ARFGEF3: variants seen among roughly 807,000 people sequenced by gnomAD.
ARFGEF3 encodes ARFGEF family member 3, also known as brefeldin A-inhibited guanine nucleotide-exchange protein 3.
Under a neutral mutation model 221.7 loss-of-function variants are expected in ARFGEF3, and 96 were observed. The observed-to-expected ratio is 0.43, with a 90% CI of 0.37 to 0.51. ARFGEF3 has a LOEUF of 0.51. Among genes scored for constraint, ARFGEF3 ranks in the 20% least tolerant of loss-of-function variants. ARFGEF3 has a pLI of 0.00. For missense variants in ARFGEF3, 2,410 were observed against 2,789.9 expected, an observed-to-expected ratio of 0.86 and a Z score of 3.07; for synonymous variants, 1,145 against 1,126.8, an observed-to-expected ratio of 1.02 and a Z score of -0.32.
intron 1 of ARFGEF3, among the ~76,000 whole-genome samples, chr6:138,169,113 A>G (rs527392548): frequency 1.4e-4 from 21 of 152,310 alleles, no homozygotes; most frequent in African/African-American, 5.1e-4. Flanking sequence ...CTTACAGAGG[A>G]TAAGTGACCT....
chr6:138,321,184 G>A lies in ARFGEF3; in HGVS notation c.4725G>A (p.Lys1575=), dbSNP rs1780021045. 1 of 1,562,222 alleles carries A rather than the reference G, an allele frequency of 6.4e-7. No individual in the cohort carries two copies. Among genetic ancestry groups the A allele is most frequent in the Non-Finnish European group, 8.7e-7 (1 of 1,151,910 alleles). Residue 1575 remains lysine, a synonymous_variant, in exon 29 of 34, where the codon AAG becomes AAA. Coordinates refer to ENST00000251691, the MANE Select transcript of ARFGEF3 (RefSeq NM_020340.5). ...AGTTGCTGGTCGCCTGTGTGGCCAA[G>A]CCCACTGAAACCATCTCCAGAGTGG... ...LFELLVACVA[K]PTETISRVGC... is the part of the protein sequence containing the mutation.
intron 4 of ARFGEF3, chr6:138,218,393 C>T (rs377341385): frequency 6.5e-7 from 1 of 1,535,122 alleles, no homozygotes; most frequent in African/African-American, 1.4e-5. Context: ...AGAAGGCCCT[C>T]ATATTTACTA....
At chr6:138,260,602 C>T (rs1583036584) in intron 10 of ARFGEF3, among the ~76,000 whole-genome samples, 1 of 151,882 alleles carries the variant, frequency 6.6e-6, no homozygotes, top group Non-Finnish European at 1.5e-5. Flanking sequence ...TCCTAATTCT[C>T]CAGCTTAGTT....
intron 32 of ARFGEF3, among the ~76,000 whole-genome samples, chr6:138,330,555 A>G (rs60153545): frequency 0.041 from 6,252 of 152,234 alleles, 159 homozygotes; most frequent in African/African-American, 0.06. Flanking sequence ...CTGTAATCCC[A>G]GCTACTCAGG....
chr6:138,293,611 A>C (rs1038109488), intron 19 of ARFGEF3, among the ~76,000 whole-genome samples: 1 of 152,148 alleles, frequency 6.6e-6, no homozygotes, highest in Non-Finnish European at 1.5e-5. Context: ...CTTATTCATT[A>C]ATTTACTGGG....
Position 138,293,975 on chromosome 6 carries a change from C to G in ARFGEF3, c.3369-18C>G. On this transcript the variant is annotated intron_variant, in intron 19 of 33. Coordinates refer to ENST00000251691, the MANE Select transcript of ARFGEF3 (RefSeq NM_020340.5). The stretch of plus-strand genomic sequence containing the variant: ...TGAATTGTTTCCAAAGAACACATCT[C>G]TTTCTGTTTGCATCCAGGCTCTTTG... The G allele has an allele frequency of 6.2e-7, 1 of 1,610,400 alleles. No individual in the cohort carries two copies. The highest frequency in any genetic ancestry group is 8.5e-7 in the Non-Finnish European group (1 of 1,178,848).
At chr6:138,224,047 A>G (rs187615417) in intron 4 of ARFGEF3, among the ~76,000 whole-genome samples, 3 of 152,334 alleles carry the variant, frequency 2.0e-5, no homozygotes, top group African/African-American at 7.2e-5. Context: ...TCCAGCACAC[A>G]GGTAGGTGTA....
intron 5 of ARFGEF3, among the ~76,000 whole-genome samples, chr6:138,230,124 C>T (rs958228320): frequency 1.3e-5 from 2 of 152,154 alleles, no homozygotes; most frequent in Non-Finnish European, 2.9e-5. Context: ...TCCCCTTACC[C>T]TGCTCCACCC....
At chr6:138,247,519 C>G (rs984238217) in intron 8 of ARFGEF3, among the ~76,000 whole-genome samples, 1 of 152,172 alleles carries the variant, frequency 6.6e-6, no homozygotes, top group Non-Finnish European at 1.5e-5. Flanking sequence ...ATAACACAGA[C>G]AGCTGGTATA....
intron 2 of ARFGEF3, among the ~76,000 whole-genome samples, chr6:138,192,704 A>G (rs2114470565): frequency 6.6e-6 from 1 of 152,320 alleles, no homozygotes; most frequent in East Asian, 1.9e-4. Flanking sequence ...GGCGCTCCAG[A>G]GCACTGTAAA....
chr6:138,295,310 T>A (rs910738112), intron 20 of ARFGEF3, among the ~76,000 whole-genome samples: 1 of 152,164 alleles, frequency 6.6e-6, no homozygotes, highest in Non-Finnish European at 1.5e-5. Context: ...ATAGCAATAA[T>A]TATATTTTCT....
chr6:138,190,196 T>A (rs1015073767), intron 2 of ARFGEF3, among the ~76,000 whole-genome samples: 4 of 152,132 alleles, frequency 2.6e-5, no homozygotes, highest in African/African-American at 9.7e-5. Context: ...GCTAGTTGAT[T>A]GTGAACCAAG....
At chr6:138,274,308 A>G (rs527725674) in intron 12 of ARFGEF3, among the ~76,000 whole-genome samples, 36 of 152,314 alleles carry the variant, frequency 2.4e-4, no homozygotes, top group African/African-American at 8.7e-4. Context: ...CCAATCCTGA[A>G]TGCTACTTTC....
At chr6:138,242,540 C>T (rs138484779) in intron 6 of ARFGEF3, among the ~76,000 whole-genome samples, 312 of 152,272 alleles carry the variant, frequency 2.0e-3, no homozygotes, top group African/African-American at 7.2e-3. Context: ...TTAGGGGCCA[C>T]GCACAGTATC....
At chr6:138,311,589 T>C in intron 25 of ARFGEF3, 79 bp downstream of exon 25, 1 of 942,032 alleles carries the variant, frequency 1.1e-6, no homozygotes, top group Admixed American at 2.1e-5. Context: ...TGGGGGGTCT[T>C]TTGCTGAAGC....
intron 12 of ARFGEF3, among the ~76,000 whole-genome samples, chr6:138,278,227 G>A (rs1479470157): frequency 3.9e-5 from 6 of 152,230 alleles, no homozygotes; most frequent in Non-Finnish European, 8.8e-5. Context: ...CTAAGTAAGA[G>A]ATCAGGATCC....
chr6:138,179,945 G>C (rs571818259), intron 2 of ARFGEF3, among the ~76,000 whole-genome samples: 1 of 152,254 alleles, frequency 6.6e-6, no homozygotes, highest in African/African-American at 2.4e-5. Flanking sequence ...AAGTAGCTAG[G>C]ACTACAGGTG....
intron 4 of ARFGEF3, among the ~76,000 whole-genome samples, chr6:138,222,278 CTT>C (rs1427524801): frequency 6.6e-6 from 1 of 152,164 alleles, no homozygotes; most frequent in Non-Finnish European, 1.5e-5. Context: ...GCAAAACAAA[CTT>C]ATAATGTTTT....
chr6:138,305,730 A>G (rs1425647009), intron 22 of ARFGEF3, among the ~76,000 whole-genome samples: 1 of 152,192 alleles, frequency 6.6e-6, no homozygotes, highest in African/African-American at 2.4e-5. Flanking sequence ...AAATCAATTA[A>G]CAATTAGTAG....
Sources: gnomAD v4.1 joint callset for allele counts (sites outside exome capture counted in the v4.1 genomes callset) on GRCh38, gnomAD v4.1.1 for gene constraint, MANE v1.5 for transcripts, NCBI Gene and HGNC (gene_info 2026-07-23, HGNC 2026-07-21) for gene names.